Variants in OSBPL8 observed in about 807,000 individuals in gnomAD.
OSBPL8 encodes the protein oxysterol-binding protein-related protein 8.
In OSBPL8, 59 loss-of-function variants were observed where a neutral mutation model predicts 125.5. That is an observed-to-expected ratio of 0.47 (90% CI 0.38 to 0.58). The LOEUF is 0.58. Among genes scored for constraint, OSBPL8 ranks in the 20% least tolerant of loss-of-function variants. The pLI, the probability that OSBPL8 is intolerant of heterozygous loss-of-function variation, is 0.00. For missense variants in OSBPL8, 758 were observed against 1,047.8 expected, an observed-to-expected ratio of 0.72 and a Z score of 3.82; for synonymous variants, 330 against 338.9, an observed-to-expected ratio of 0.97 and a Z score of 0.29.
chr12:76,390,522 T>C lies in OSBPL8; in HGVS notation c.1065A>G (p.Thr355=). 1 of 1,613,944 alleles carries C rather than the reference T, an allele frequency of 6.2e-7. No homozygotes were observed. Among genetic ancestry groups the C allele is most frequent in the Non-Finnish European group, 8.5e-7 (1 of 1,179,898 alleles). The change falls in exon 11 of 24, where the codon ACA becomes ACG. Residue 355 remains threonine, a synonymous_variant. Transcript: ENST00000261183. Reference sequence around the variant, plus strand: ...AGTCATCTTGTCTTTCTGATGTATCTGTGTCACTTTCTTCACTTTTCCCCA... The same window carrying C: ...AGTCATCTTGTCTTTCTGATGTATCCGTGTCACTTTCTTCACTTTTCCCCA... The part of the protein sequence containing the change: ...EVMGKSEESD[T]DTSERQDDSY...
At chr12:76,455,695 T>C (rs911764411) in intron 3 of OSBPL8, among the ~76,000 whole-genome samples, 31 of 152,174 alleles carry the variant, frequency 2.0e-4, no homozygotes, top group African/African-American at 7.5e-4. Flanking sequence ...TTAACAACTA[T>C]ACAGACAAAA....
intron 1 of OSBPL8, among the ~76,000 whole-genome samples, chr12:76,508,538 G>T (rs1008291668): frequency 2.0e-5 from 3 of 152,150 alleles, no homozygotes; most frequent in Non-Finnish European, 4.4e-5. Flanking sequence ...GCATTCCCAG[G>T]AGGTGAGGCG....
At chr12:76,411,482 A>T (rs1161560289) in intron 4 of OSBPL8, among the ~76,000 whole-genome samples, 5 of 152,060 alleles carry the variant, frequency 3.3e-5, no homozygotes, top group Admixed American at 3.3e-4. Flanking sequence ...CAGCATTTTT[A>T]AAAAAGTCAA....
At chr12:76,498,633 T>C (rs140823107) in intron 1 of OSBPL8, among the ~76,000 whole-genome samples, 1 of 152,272 alleles carries the variant, frequency 6.6e-6, no homozygotes, top group Non-Finnish European at 1.5e-5. Context: ...GAATTTCTTC[T>C]CTATCAGGTA....
Position 76,355,844 on chromosome 12 carries a change from C to A in OSBPL8, c.*45G>T, listed in dbSNP as rs745743929. On this transcript the variant is annotated 3_prime_UTR_variant, in exon 24 of 24. Transcript: ENST00000261183. ...AACCAACTTGAACACTGGTCCCAGG[C>A]CAAATCAGATCTTTCTAGTTCACTG... 3 of 1,590,440 alleles carry A rather than the reference C, an allele frequency of 1.9e-6. No homozygotes were observed. The highest frequency in any genetic ancestry group is 1.8e-5 in the Admixed American group (1 of 55,820).
chr12:76,466,707 C>A (rs377375448), intron 2 of OSBPL8, among the ~76,000 whole-genome samples: 2 of 151,972 alleles, frequency 1.3e-5, no homozygotes, highest in East Asian at 1.9e-4. Flanking sequence ...GCCTGTAATC[C>A]CAGCACTTTA....
intron 2 of OSBPL8, among the ~76,000 whole-genome samples, chr12:76,484,950 C>T (rs770317543): frequency 6.6e-6 from 1 of 152,024 alleles, no homozygotes; most frequent in Non-Finnish European, 1.5e-5. Context: ...GACGGAGTTT[C>T]GCTCTTGTTG....
intron 1 of OSBPL8, among the ~76,000 whole-genome samples, chr12:76,504,840 T>C (rs1880255932): frequency 6.6e-6 from 1 of 151,966 alleles, no homozygotes; most frequent in Non-Finnish European, 1.5e-5. Flanking sequence ...GAAATAACAT[T>C]ATTATTATAG....
chr12:76,480,167 CAAAAAAAAA>C (rs57582036), intron 2 of OSBPL8, among the ~76,000 whole-genome samples: 1 of 56,386 alleles, frequency 1.8e-5, no homozygotes, highest in Admixed American at 2.6e-4. Context: ...AACTCCATCT[CAAAAAAAAA>C]AAAAAAAAAA....
At chr12:76,474,225 G>A (rs28385342) in intron 2 of OSBPL8, among the ~76,000 whole-genome samples, 26,686 of 151,758 alleles carry the variant, frequency 0.18, 2,503 homozygotes, top group Middle Eastern at 0.24. Flanking sequence ...TTGATTTAAC[G>A]TCCAACCAAA....
chr12:76,529,213 T>C (rs1950267087), intron 1 of OSBPL8, among the ~76,000 whole-genome samples: 1 of 152,176 alleles, frequency 6.6e-6, no homozygotes, highest in Non-Finnish European at 1.5e-5. Context: ...AATCAGAAAC[T>C]GAACTAGGAT....
intron 1 of OSBPL8, among the ~76,000 whole-genome samples, chr12:76,544,431 G>A (rs188308483): frequency 1.7e-4 from 26 of 152,252 alleles, no homozygotes; most frequent in African/African-American, 6.3e-4. Flanking sequence ...AATGTCAAAT[G>A]CATTATTCCA....
At chr12:76,383,682 A>G (rs1017760120) in intron 15 of OSBPL8, among the ~76,000 whole-genome samples, 4 of 152,186 alleles carry the variant, frequency 2.6e-5, no homozygotes, top group Non-Finnish European at 1.5e-5. Context: ...AAAACTATAT[A>G]AAAGCATTTT....
At chr12:76,405,968 G>A (rs1274828376) in intron 5 of OSBPL8, among the ~76,000 whole-genome samples, 1 of 151,624 alleles carries the variant, frequency 6.6e-6, no homozygotes, top group African/African-American at 2.4e-5. Flanking sequence ...CCCCTTACAG[G>A]CTCTGTGACT....
chr12:76,399,705 A>G (rs1953968893), intron 7 of OSBPL8, among the ~76,000 whole-genome samples, 168 bp downstream of exon 7: 2 of 152,204 alleles, frequency 1.3e-5, no homozygotes, highest in African/African-American at 4.8e-5. Flanking sequence ...CTCTTCATTA[A>G]GATGGGAACA....
intron 2 of OSBPL8, among the ~76,000 whole-genome samples, chr12:76,462,800 C>T (rs984732814): frequency 1.1e-4 from 17 of 151,982 alleles, no homozygotes; most frequent in African/African-American, 3.6e-4. Flanking sequence ...TAACAACATA[C>T]AGGGTGAAAG....
At position 76,389,747 on chromosome 12, in the gene OSBPL8, C is replaced by T; in HGVS notation, c.1250G>A (p.Gly417Asp). 1 of 1,606,204 alleles carries T rather than the reference C, an allele frequency of 6.2e-7. No homozygotes were observed. Residue 417 changes from glycine to aspartate, a missense_variant, in exon 12 of 24, where the codon GGC becomes GAC. By Grantham distance (94) the Gly-to-Asp change is moderately conservative. Around this residue, in one of 3 missense-constraint regions of OSBPL8, gnomAD observed 572 missense variants for 762.0 expected, o/e 0.75. Transcript: ENST00000261183. ...IWTLLKQVRPGMDLSKVVLPT... is the reference protein window; with the variant it reads ...IWTLLKQVRPDMDLSKVVLPT... ...CAGAACCACCTTGGATAGGTCCATG[C>T]CAGGACGGACTTGTTTCAATAGTGT... is the stretch of plus-strand genomic sequence containing the variant.
At chr12:76,557,392 G>A (rs1452578129) in intron 1 of OSBPL8, among the ~76,000 whole-genome samples, 3 of 152,134 alleles carry the variant, frequency 2.0e-5, no homozygotes, top group South Asian at 2.1e-4. Flanking sequence ...TGAGGCGGGC[G>A]GATCTTGAGG....
At position 76,353,387 on chromosome 12, in the gene OSBPL8, A is replaced by C. The variant is rs1286849802; in HGVS notation, c.*2502T>G. On this transcript the variant is annotated 3_prime_UTR_variant, in exon 24 of 24. Transcript: ENST00000261183. Reference sequence around the variant, plus strand: ...CATAGTACATTTAACAGCTAAAAAGAAAATGCACATGTGAATAATTATTAC... The same window carrying C: ...CATAGTACATTTAACAGCTAAAAAGCAAATGCACATGTGAATAATTATTAC... The C allele has an allele frequency of 6.6e-6, 1 of 151,794 alleles. No homozygotes were observed. Among genetic ancestry groups the C allele is most frequent in the African/African-American group, 2.4e-5 (1 of 41,404 alleles). The allele number at this position is 151,794 out of a possible 1,614,324, so 9.4% of individuals were successfully genotyped here.
Sources: allele counts gnomAD v4.1 joint callset (sites outside exome capture counted in the v4.1 genomes callset), GRCh38; gene constraint gnomAD v4.1.1; regional missense constraint gnomAD v4.1.1; transcripts MANE v1.5; gene names NCBI Gene and HGNC (gene_info 2026-07-23, HGNC 2026-07-21).